MAIP1: variants seen among roughly 807,000 people sequenced by gnomAD.
MAIP1 encodes the protein matrix AAA peptidase interacting protein 1, also known as m-AAA protease-interacting protein 1, mitochondrial.
In MAIP1, 28 loss-of-function variants were observed where a neutral mutation model predicts 31.2. The ratio of observed to expected loss-of-function variants is 0.90; its 90% confidence interval spans 0.67 to 1.23. The LOEUF (loss-of-function observed/expected upper bound fraction) is 1.23. Ranked by LOEUF, MAIP1 falls within the 50% of genes most tolerant of loss-of-function variation. The pLI is 0.00. For missense variants in MAIP1, 339 were observed against 356.0 expected, an observed-to-expected ratio of 0.95 and a Z score of 0.38; for synonymous variants, 142 against 142.3, an observed-to-expected ratio of 1.00 and a Z score of 0.02.
intron 4 of MAIP1, among the ~76,000 whole-genome samples, chr2:199,963,182 AAACT>A (rs2077645338): frequency 6.6e-6 from 1 of 152,090 alleles, no homozygotes. Flanking sequence ...CGTCAATACT[AAACT>A]TTATCTTTTC....
rs1188602118 is a variant in MAIP1 at position 199,961,224 on chromosome 2, AG to A, written c.650-555del. Among the ~76,000 whole-genome samples the A allele has an allele frequency of 2.6e-5, 4 of 152,106 alleles. No homozygotes were observed. In the East Asian group the frequency reaches 7.7e-4, roughly 29 times the overall value. On this transcript the variant is annotated intron_variant, in intron 3 of 4. Transcript: ENST00000392290. ...ACACTTGTAATCCTAGCATTTTGGGAGGCTGAGGCAGGTGGATCACTTGAGC... is the reference window on the plus strand; with the variant it reads ...ACACTTGTAATCCTAGCATTTTGGGAGCTGAGGCAGGTGGATCACTTGAGC...
upstream of MAIP1, chr2:199,955,555 G>T: frequency 6.6e-7 from 1 of 1,526,238 alleles, no homozygotes. Context: ...AAACACGAGC[G>T]ACAGAGAAAA....
intron 1 of MAIP1, among the ~76,000 whole-genome samples, chr2:199,957,504 G>A (rs943321960): frequency 1.2e-4 from 19 of 152,142 alleles, no homozygotes; most frequent in African/African-American, 4.6e-4. Context: ...TTACAGTATT[G>A]GTTGTATACT....
intron 2 of MAIP1, 36 bp from the exon 3 acceptor site, chr2:199,959,718 A>T: frequency 1.3e-6 from 2 of 1,567,254 alleles, no homozygotes; most frequent in Non-Finnish European, 1.7e-6. Context: ...CAAAAATTGT[A>T]TCAGTGAACT....
intron 1 of MAIP1, among the ~76,000 whole-genome samples, chr2:199,958,185 C>A (rs147281420): frequency 6.6e-6 from 1 of 152,124 alleles, no homozygotes; most frequent in Non-Finnish European, 1.5e-5. Context: ...TACAGATGGC[C>A]GTCTTCTTGC....
chr2:199,961,072 A>G (rs1297490472), intron 3 of MAIP1, among the ~76,000 whole-genome samples: 5 of 152,224 alleles, frequency 3.3e-5, no homozygotes, highest in African/African-American at 9.6e-5. Context: ...TCTTTCTGGC[A>G]GTTGAAGTTA....
chr2:199,956,087 A>G lies in MAIP1; in HGVS notation c.289A>G (p.Ser97Gly). 5.0e-6 allele frequency: 8 copies of G among 1,614,066 alleles called. No homozygotes were observed. Among genetic ancestry groups the G allele is most frequent in the Non-Finnish European group, 6.8e-6 (8 of 1,179,956 alleles). The change falls in exon 1 of 5, where the codon AGC (serine) becomes GGC (glycine). Residue 97 changes from serine to glycine, a missense_variant. Transcript: ENST00000392290. ...SFPACPQRSY[S>G]TEEKPQQHQK... ...CCCTGCCTGCCCTCAGCGCAGCTAC[A>G]GCACGGAGGAGAAGCCCCAGCAGCA...
chr2:199,959,012 AT>A (rs1462754169), intron 1 of MAIP1, among the ~76,000 whole-genome samples: 1 of 152,212 alleles, frequency 6.6e-6, no homozygotes, highest in Non-Finnish European at 1.5e-5. Context: ...AGACATCTAG[AT>A]TGTACACCAC....
chr2:199,958,874 C>T (rs915532551), intron 1 of MAIP1, among the ~76,000 whole-genome samples: 7 of 152,204 alleles, frequency 4.6e-5, no homozygotes, highest in African/African-American at 1.7e-4. Flanking sequence ...TTCCAGACTC[C>T]CAATGCAGTC....
upstream of MAIP1, chr2:199,955,449 C>A (rs777990401): frequency 6.2e-7 from 1 of 1,613,786 alleles, no homozygotes; most frequent in Admixed American, 1.7e-5. Flanking sequence ...AGCCGGGGTA[C>A]CGGGAGGTGC....
chr2:199,957,113 G>A (rs2077611297), intron 1 of MAIP1, among the ~76,000 whole-genome samples: 1 of 143,814 alleles, frequency 7.0e-6, no homozygotes, highest in African/African-American at 2.6e-5. Flanking sequence ...GATAACAATA[G>A]AAGTCGGCCA....
chr2:199,960,613 T>C (rs1574821043), intron 3 of MAIP1, among the ~76,000 whole-genome samples: 1 of 152,360 alleles, frequency 6.6e-6, no homozygotes, highest in East Asian at 1.9e-4. Flanking sequence ...CATTAGCATT[T>C]ACATTGTGTT....
intron 1 of MAIP1, among the ~76,000 whole-genome samples, chr2:199,956,735 C>T (rs1007267483): frequency 6.6e-6 from 1 of 152,166 alleles, no homozygotes; most frequent in Admixed American, 6.5e-5. Context: ...TGTAATGTCA[C>T]CTTGGGTAGA....
At chr2:199,963,661 G>A in intron 4 of MAIP1, 72 bp from the exon 5 acceptor site, 1 of 889,624 alleles carries the variant, frequency 1.1e-6, no homozygotes. Flanking sequence ...ATATACACTT[G>A]CAAATTACAT....
chr2:199,962,962 AC>A (rs1256851406), intron 4 of MAIP1, among the ~76,000 whole-genome samples: 1 of 152,112 alleles, frequency 6.6e-6, no homozygotes, highest in African/African-American at 2.4e-5. Context: ...AAAATAACAA[AC>A]CCCAAAAATG....
At chr2:199,962,625 G>C (rs2077642603) in intron 4 of MAIP1, among the ~76,000 whole-genome samples, 1 of 152,140 alleles carries the variant, frequency 6.6e-6, no homozygotes, top group Admixed American at 6.5e-5. Context: ...CATAGCAGAA[G>C]AGCACATGGG....
At chr2:199,963,614 A>G in intron 4 of MAIP1, 119 bp from the exon 5 acceptor site, 1 of 529,522 alleles carries the variant, frequency 1.9e-6, no homozygotes, top group South Asian at 3.3e-5. Flanking sequence ...TTTTGATTTA[A>G]TATTAACCAT....
At chr2:199,960,328 T>A (rs1258964226) in intron 3 of MAIP1, among the ~76,000 whole-genome samples, 1 of 152,196 alleles carries the variant, frequency 6.6e-6, no homozygotes, top group East Asian at 1.9e-4. Context: ...CCAAATTGGA[T>A]CTATTTGAGA....
chr2:199,961,783 A>C lies in MAIP1; in HGVS notation c.652A>C (p.Arg218=). ...TGTGTATATGTTTTTTCTCTAAGGA[A>C]GGAAGTTTGTTAACATCCTGATGTG... ...DISIYYDEKG[R]KFVNILMCFW... Residue 218 remains arginine (R), a splice_region_variant and synonymous_variant, in exon 4 of 5, where the codon AGG becomes CGG. Coordinates refer to ENST00000392290, the MANE Select transcript of MAIP1 (RefSeq NM_001394955.1). 1 of 1,610,232 alleles carries C rather than the reference A, an allele frequency of 6.2e-7. No individual in the cohort carries two copies. The highest frequency in any genetic ancestry group is 8.5e-7 in the Non-Finnish European group (1 of 1,178,640).
Sources: gnomAD v4.1 joint callset for allele counts (sites outside exome capture counted in the v4.1 genomes callset) on GRCh38, gnomAD v4.1.1 for gene constraint, MANE v1.5 for transcripts, NCBI Gene and HGNC (gene_info 2026-07-23, HGNC 2026-07-21) for gene names.